NAALADL2: variants seen among roughly 807,000 people sequenced by gnomAD.
NAALADL2 encodes N-acetylated alpha-linked acidic dipeptidase like 2, also known as inactive N-acetylated-alpha-linked acidic dipeptidase-like protein 2.
NAALADL2 carries 76 observed loss-of-function variants against 87.2 expected under a neutral mutation model. That is an observed-to-expected ratio of 0.87 (90% confidence interval 0.72 to 1.05). The LOEUF (loss-of-function observed/expected upper bound fraction) is 1.05. NAALADL2 is among the 50% of genes least tolerant of loss of function. The pLI is 0.00. For synonymous variants in NAALADL2, 354 were observed against 331.0 expected (o/e 1.07, Z -0.75); for missense variants, 1,089 against 945.8 (o/e 1.15, Z -1.99).
At chr3:175,680,906 A>C (rs1735501800) in intron 11 of NAALADL2, among the ~76,000 whole-genome samples, 1 of 152,282 alleles carries the variant, frequency 6.6e-6, no homozygotes, top group South Asian at 2.1e-4. Context: ...AGAGGTGCGG[A>C]GATCGGCACA....
At chr3:174,474,246 A>G (rs1273220372) in intron 1 of NAALADL2, among the ~76,000 whole-genome samples, 1 of 152,204 alleles carries the variant, frequency 6.6e-6, no homozygotes, top group Non-Finnish European at 1.5e-5. Flanking sequence ...ATTTCTACTG[A>G]AAATTTCCTC....
chr3:174,907,687 C>A (rs542778271), intron 1 of NAALADL2, among the ~76,000 whole-genome samples: 1 of 152,126 alleles, frequency 6.6e-6, no homozygotes, highest in African/African-American at 2.4e-5. Context: ...GTTGTACTAC[C>A]AATGTTCAAA....
chr3:175,622,476 G>C (rs1275391691), intron 10 of NAALADL2, among the ~76,000 whole-genome samples: 1 of 152,060 alleles, frequency 6.6e-6, no homozygotes, highest in African/African-American at 2.4e-5. Flanking sequence ...AATTTCTATA[G>C]TGTTCTCTGT....
intron 2 of NAALADL2, among the ~76,000 whole-genome samples, chr3:175,156,023 A>G (rs760596454): frequency 5.9e-5 from 9 of 152,226 alleles, no homozygotes; most frequent in Non-Finnish European, 1.0e-4. Context: ...ATATATTCTT[A>G]CAGAAGAAGT....
At chr3:175,154,823 A>G (rs1245956352) in intron 2 of NAALADL2, among the ~76,000 whole-genome samples, 2 of 152,148 alleles carry the variant, frequency 1.3e-5, no homozygotes, top group East Asian at 1.9e-4. Flanking sequence ...TCAAATGTCT[A>G]TTTACTTCTG....
At chr3:174,896,588 C>T (rs1384911680) in intron 1 of NAALADL2, among the ~76,000 whole-genome samples, 1 of 152,136 alleles carries the variant, frequency 6.6e-6, no homozygotes, top group Admixed American at 6.5e-5. Flanking sequence ...AGTGTCCATA[C>T]TACCAAAGCA....
chr3:174,642,764 ATATATATATATATATATATATATAT>A (rs1723365654), intron 2 of NAALADL2, among the ~76,000 whole-genome samples: 1 of 38,222 alleles, frequency 2.6e-5, no homozygotes, highest in South Asian at 7.6e-4. Context: ...ATATATATAT[ATATATATATATATATATATATATAT>A]GTTTTTTTTC....
At chr3:175,176,530 A>G (rs986503874) in intron 2 of NAALADL2, among the ~76,000 whole-genome samples, 23 of 152,168 alleles carry the variant, frequency 1.5e-4, no homozygotes, top group African/African-American at 5.5e-4. Flanking sequence ...ATTACCTTGC[A>G]TGGCAAATGA....
intron 5 of NAALADL2, among the ~76,000 whole-genome samples, chr3:175,413,228 A>AT (rs1308575609): frequency 6.8e-6 from 1 of 146,946 alleles, no homozygotes. Flanking sequence ...GAAACCCAGG[A>AT]GATGGAGAAC....
At chr3:174,508,880 C>A (rs947880963) in intron 1 of NAALADL2, among the ~76,000 whole-genome samples, 3 of 152,034 alleles carry the variant, frequency 2.0e-5, no homozygotes, top group Admixed American at 2.0e-4. Flanking sequence ...AAACACATCT[C>A]AAAAAGTATA....
chr3:174,703,483 G>C (rs995308387), intron 2 of NAALADL2, among the ~76,000 whole-genome samples: 1 of 152,098 alleles, frequency 6.6e-6, no homozygotes, highest in Non-Finnish European at 1.5e-5. Context: ...GGAATCATGA[G>C]AGTTTAGGAT....
chr3:175,463,379 C>T, intron 6 of NAALADL2, 22 bp from the exon 7 acceptor site: 1 of 1,443,422 alleles, frequency 6.9e-7, no homozygotes, highest in Non-Finnish European at 9.4e-7. Flanking sequence ...AAGCAAAAGT[C>T]TTTAAATTTT....
intron 11 of NAALADL2, among the ~76,000 whole-genome samples, chr3:175,640,213 C>G (rs1729101802): frequency 6.6e-6 from 1 of 152,018 alleles, no homozygotes; most frequent in Non-Finnish European, 1.5e-5. Flanking sequence ...GTGGATTACC[C>G]ATAGATGCAC....
chr3:174,544,314 CAT>C (rs1275064856), intron 1 of NAALADL2, among the ~76,000 whole-genome samples: 4 of 152,220 alleles, frequency 2.6e-5, no homozygotes, highest in South Asian at 2.1e-4. Context: ...GGTTATATCA[CAT>C]GTGTTTGTTA....
At chr3:175,050,000 G>A (rs527664561) in intron 1 of NAALADL2, among the ~76,000 whole-genome samples, 16 of 152,194 alleles carry the variant, frequency 1.1e-4, no homozygotes, top group South Asian at 2.1e-4. Flanking sequence ...CCATGTCTGC[G>A]TGGGTTTTCT....
intron 1 of NAALADL2, among the ~76,000 whole-genome samples, chr3:174,892,165 T>C (rs1373572100): frequency 2.0e-5 from 3 of 152,110 alleles, no homozygotes; most frequent in Admixed American, 2.0e-4. Context: ...ATCCAGACAC[T>C]GAAGAACATC....
At chr3:175,111,419 ATTTATG>A (rs905334791) in intron 2 of NAALADL2, among the ~76,000 whole-genome samples, 1 of 151,640 alleles carries the variant, frequency 6.6e-6, no homozygotes, top group Non-Finnish European at 1.5e-5. Context: ...TCATAGGAGT[ATTTATG>A]TTTAGTGTTT....
intron 2 of NAALADL2, among the ~76,000 whole-genome samples, chr3:174,552,519 G>A (rs1309125958): frequency 6.6e-6 from 1 of 152,080 alleles, no homozygotes; most frequent in Non-Finnish European, 1.5e-5. Context: ...AATAGGCCGG[G>A]TGTGGTGGCT....
chr3:174,819,051 A>ATTCTTTTTTTTTTTTT (rs1721115653), intron 3 of NAALADL2, among the ~76,000 whole-genome samples: 1 of 85,916 alleles, frequency 1.2e-5, no homozygotes, highest in Admixed American at 1.3e-4. Flanking sequence ...TTATTATACC[A>ATTCTTTTTTTTTTTTT]TTTATTCTTT....
Sources: allele counts gnomAD v4.1 joint callset (sites outside exome capture counted in the v4.1 genomes callset), GRCh38; gene constraint gnomAD v4.1.1; transcripts MANE v1.5; gene names NCBI Gene and HGNC (gene_info 2026-07-23, HGNC 2026-07-21).